Variants in KSR2 observed in about 807,000 individuals in gnomAD.
The protein encoded by KSR2 is kinase suppressor of ras 2.
KSR2 carries 25 observed loss-of-function variants against 107.8 expected under a neutral mutation model. The observed-to-expected ratio is 0.23, with a 90% CI of 0.17 to 0.32. KSR2 has a LOEUF of 0.32. Among genes scored for constraint, KSR2 ranks in the 10% least tolerant of loss-of-function variants. KSR2 has a pLI of 1.00. For missense variants in KSR2, 887 were observed against 1,268.9 expected (o/e 0.70, Z 4.57); for synonymous variants, 480 against 507.0 (o/e 0.95, Z 0.71).
intron 3 of KSR2, among the ~76,000 whole-genome samples, chr12:117,794,527 GCA>G (rs886628017): frequency 9.5e-5 from 10 of 105,352 alleles, no homozygotes; most frequent in South Asian, 3.1e-4. Context: ...ACACCAACAT[GCA>G]CACACAACAT....
At chr12:117,937,972 A>G (rs1175065300) in intron 1 of KSR2, among the ~76,000 whole-genome samples, 2 of 106,774 alleles carry the variant, frequency 1.9e-5, no homozygotes, top group Admixed American at 1.0e-4. Context: ...CTGTCTCAAG[A>G]AAAAAAAAAA....
chr12:117,615,272 T>C (rs1233069654), intron 5 of KSR2, among the ~76,000 whole-genome samples: 3 of 151,890 alleles, frequency 2.0e-5, no homozygotes, highest in African/African-American at 4.8e-5. Flanking sequence ...ATTCCTCTTT[T>C]GTCTAGAAAA....
chr12:117,728,069 GAGA>G (rs1319268890), intron 4 of KSR2, among the ~76,000 whole-genome samples: 1 of 152,178 alleles, frequency 6.6e-6, no homozygotes, highest in Non-Finnish European at 1.5e-5. Flanking sequence ...AAGATGATCG[GAGA>G]AGGACATGAG....
At chr12:117,923,910 C>T (rs532528331) in intron 1 of KSR2, among the ~76,000 whole-genome samples, 11 of 148,048 alleles carry the variant, frequency 7.4e-5, no homozygotes, top group Admixed American at 2.0e-4. Context: ...AAGAGTTTCA[C>T]GCTTGTTGCC....
chr12:117,935,831 C>T (rs1415739073), intron 1 of KSR2, among the ~76,000 whole-genome samples: 1 of 152,168 alleles, frequency 6.6e-6, no homozygotes. Flanking sequence ...AGCTTCCTAG[C>T]TGTTCCTCAG....
chr12:117,584,020 C>T (rs1005506762), intron 5 of KSR2, among the ~76,000 whole-genome samples: 8 of 152,154 alleles, frequency 5.3e-5, no homozygotes, highest in Non-Finnish European at 7.3e-5. Context: ...CTAATGACAC[C>T]GTCGGCAGCC....
intron 4 of KSR2, among the ~76,000 whole-genome samples, chr12:117,684,336 T>TCCCAGCA (rs1414882057): frequency 1.3e-5 from 2 of 152,166 alleles, no homozygotes; most frequent in Non-Finnish European, 2.9e-5. Flanking sequence ...TCTTTCTGGC[T>TCCCAGCA]CCCAGCACCC....
chr12:117,903,288 G>C (rs913613799), intron 1 of KSR2, among the ~76,000 whole-genome samples: 5 of 152,098 alleles, frequency 3.3e-5, no homozygotes, highest in Admixed American at 6.5e-5. Context: ...GCTGGCTGTG[G>C]GTTACACAGC....
chr12:117,510,560 G>A (rs1021856371), intron 14 of KSR2, among the ~76,000 whole-genome samples: 3 of 152,204 alleles, frequency 2.0e-5, no homozygotes, highest in African/African-American at 4.8e-5. Context: ...TTGAGTCCCT[G>A]TGATACAGTG....
intron 7 of KSR2, among the ~76,000 whole-genome samples, chr12:117,568,078 T>C (rs816207): frequency 0.79 from 120,822 of 152,106 alleles, 48,375 homozygotes; most frequent in Middle Eastern, 0.87. Flanking sequence ...AGACCTCGGG[T>C]TCCAAGGACA....
chr12:117,476,502 C>T lies in KSR2; in HGVS notation c.2544G>A (p.Lys848=). The change falls in exon 17 of 20, where the codon AAG becomes AAA. Residue 848 remains lysine (K), a synonymous_variant. Coordinates refer to ENST00000339824, the MANE Select transcript of KSR2 (RefSeq NM_173598.6). ...CGTCAGAGTGCTTGGAGAAGGGGAG[C>T]TTATCCTCCTCTGTGTCGGGGGACA... is the stretch of plus-strand genomic sequence containing the variant. The part of the protein sequence containing the change: ...RQLSPDTEED[K]LPFSKHSDVF... The T allele has an allele frequency of 6.2e-7, 1 of 1,606,994 alleles. No homozygotes were observed. The highest frequency in any genetic ancestry group is 8.5e-7 in the Non-Finnish European group (1 of 1,176,882).
At chr12:117,482,264 G>T (rs2073974335) in intron 16 of KSR2, among the ~76,000 whole-genome samples, 1 of 152,008 alleles carries the variant, frequency 6.6e-6, no homozygotes, top group South Asian at 2.1e-4. Flanking sequence ...TGTGAATGTG[G>T]AAGCCTTCAG....
intron 19 of KSR2, among the ~76,000 whole-genome samples, chr12:117,467,616 T>G (rs1466195085): frequency 6.6e-6 from 1 of 152,144 alleles, no homozygotes; most frequent in Non-Finnish European, 1.5e-5. Context: ...GGACTAGGAA[T>G]GGTCATCTAG....
At chr12:117,693,601 T>C (rs552742412) in intron 4 of KSR2, among the ~76,000 whole-genome samples, 2 of 152,350 alleles carry the variant, frequency 1.3e-5, no homozygotes, top group East Asian at 1.9e-4. Context: ...AAGCCTAGCA[T>C]GTCTGCATGG....
intron 3 of KSR2, among the ~76,000 whole-genome samples, chr12:117,773,295 T>C (rs1269248740): frequency 6.6e-6 from 1 of 152,170 alleles, no homozygotes; most frequent in Non-Finnish European, 1.5e-5. Flanking sequence ...GAGAAGGGAA[T>C]AGGTTTTTAA....
intron 4 of KSR2, among the ~76,000 whole-genome samples, chr12:117,753,372 A>C (rs1336706843): frequency 2.6e-5 from 4 of 152,112 alleles, no homozygotes; most frequent in Admixed American, 6.6e-5. Flanking sequence ...CCAATAACCA[A>C]TCTTTGTCCC....
chr12:117,835,927 G>A (rs1450408183), intron 3 of KSR2, among the ~76,000 whole-genome samples: 3 of 151,754 alleles, frequency 2.0e-5, no homozygotes, highest in East Asian at 1.9e-4. Flanking sequence ...GAGCACTGTT[G>A]TTAAGCAAGG....
At chr12:117,794,486 TCACACCAACATGCACACACAACATGCACA>T (rs1456246844) in intron 3 of KSR2, among the ~76,000 whole-genome samples, 7 of 43,138 alleles carry the variant, frequency 1.6e-4, no homozygotes, top group East Asian at 9.7e-4. Context: ...ACATGCACAC[TCACACCAACATGCACACACAACATGCACA>T]CACACCAACA....
At chr12:117,679,670 T>C (rs1330684926) in intron 4 of KSR2, among the ~76,000 whole-genome samples, 1 of 152,178 alleles carries the variant, frequency 6.6e-6, no homozygotes, top group East Asian at 1.9e-4. Flanking sequence ...TTATCCATGC[T>C]GTCTTTTAGC....
Sources: allele counts gnomAD v4.1 joint callset (sites outside exome capture counted in the v4.1 genomes callset), GRCh38; gene constraint gnomAD v4.1.1; transcripts MANE v1.5; gene names NCBI Gene and HGNC (gene_info 2026-07-23, HGNC 2026-07-21).